MACROD1: variants seen among roughly 807,000 people sequenced by gnomAD.
MACROD1 encodes mono-ADP ribosylhydrolase 1, also known as ADP-ribose glycohydrolase MACROD1.
In MACROD1, 31 loss-of-function variants were observed where a neutral mutation model predicts 41.4. The ratio of observed to expected loss-of-function variants is 0.75; its 90% CI spans 0.56 to 1.01. The LOEUF is 1.01. MACROD1 is among the 50% of genes least tolerant of loss of function. The probability of loss-of-function intolerance (pLI) is 0.00; values close to 1 mark genes in which losing one functional copy is unlikely to be tolerated. For synonymous variants in MACROD1, 252 were observed against 203.4 expected, an observed-to-expected ratio of 1.24 and a Z score of -2.03; for missense variants, 473 against 460.0, an observed-to-expected ratio of 1.03 and a Z score of -0.26.
At chr11:64,029,196 G>C (rs770864656) in intron 3 of MACROD1, among the ~76,000 whole-genome samples, 1 of 152,222 alleles carries the variant, frequency 6.6e-6, no homozygotes, top group Non-Finnish European at 1.5e-5. Context: ...GTTGAGCCGG[G>C]TGCTGGGATG....
At chr11:64,131,225 T>C (rs1443118336) in intron 3 of MACROD1, among the ~76,000 whole-genome samples, 1 of 152,108 alleles carries the variant, frequency 6.6e-6, no homozygotes, top group African/African-American at 2.4e-5. Context: ...ACCCTGACTC[T>C]CTCCAGGGTT....
At chr11:64,127,017 C>T (rs180738608) in intron 3 of MACROD1, 123 of 152,350 alleles carry the variant, frequency 8.1e-4, no homozygotes, top group African/African-American at 2.9e-3. Flanking sequence ...AGCCTGGCCT[C>T]GTGCCCACCT....
intron 3 of MACROD1, among the ~76,000 whole-genome samples, chr11:64,071,335 C>T (rs562717472): frequency 4.6e-5 from 7 of 152,196 alleles, no homozygotes; most frequent in Non-Finnish European, 7.4e-5. Context: ...CCCAGACCTG[C>T]GGTCTCAATC....
At chr11:64,002,102 C>T (rs534363351) in intron 4 of MACROD1, among the ~76,000 whole-genome samples, 18 of 152,274 alleles carry the variant, frequency 1.2e-4, no homozygotes, top group African/African-American at 3.1e-4. Flanking sequence ...TGGGCATGTT[C>T]GGGTATGTGT....
intron 4 of MACROD1, chr11:64,001,521 G>A (rs749024375): frequency 2.8e-6 from 2 of 702,392 alleles, no homozygotes; most frequent in East Asian, 2.7e-5. Flanking sequence ...GGGATGCCAG[G>A]TAGCTCACAC....
chr11:64,004,118 C>G (rs1942870794), intron 4 of MACROD1, among the ~76,000 whole-genome samples: 1 of 152,252 alleles, frequency 6.6e-6, no homozygotes, highest in African/African-American at 2.4e-5. Context: ...TCTTAGGCAT[C>G]TCCCTGCTTT....
At chr11:64,083,886 G>T (rs1944346076) in intron 3 of MACROD1, among the ~76,000 whole-genome samples, 1 of 152,222 alleles carries the variant, frequency 6.6e-6, no homozygotes. Context: ...GCGAGTGTGA[G>T]CAGCGTGCAG....
intron 3 of MACROD1, among the ~76,000 whole-genome samples, chr11:64,098,648 A>G (rs918378278): frequency 3.9e-5 from 6 of 152,248 alleles, no homozygotes; most frequent in Admixed American, 3.3e-4. Context: ...TCATCTATAA[A>G]GGTCAGATAC....
chr11:64,048,862 T>C (rs1943636349), intron 3 of MACROD1, among the ~76,000 whole-genome samples: 2 of 152,158 alleles, frequency 1.3e-5, no homozygotes, highest in Admixed American at 1.3e-4. Flanking sequence ...GGCCATCCCA[T>C]GGTGCAAACC....
chr11:64,035,276 C>T (rs76539208), intron 3 of MACROD1, among the ~76,000 whole-genome samples: 1,724 of 152,020 alleles, frequency 0.011, 30 homozygotes, highest in African/African-American at 0.037. Context: ...GTTTACAGCA[C>T]GCGGCGGATG....
At chr11:64,015,428 C>T (rs1316057037) in intron 3 of MACROD1, 147 bp from the exon 4 acceptor site, 11 of 634,446 alleles carry the variant, frequency 1.7e-5, no homozygotes, top group East Asian at 3.1e-5. Flanking sequence ...TCCTCCGGGG[C>T]GGTAGTAGAC....
At chr11:64,074,264 G>T (rs965233169) in intron 3 of MACROD1, among the ~76,000 whole-genome samples, 4 of 152,200 alleles carry the variant, frequency 2.6e-5, no homozygotes, top group Admixed American at 2.6e-4. Flanking sequence ...TCTTTCTCAG[G>T]TGTGAGGCTC....
chr11:64,095,884 GC>G (rs1375754175), intron 3 of MACROD1, among the ~76,000 whole-genome samples: 1 of 152,236 alleles, frequency 6.6e-6, no homozygotes, highest in Non-Finnish European at 1.5e-5. Context: ...GGAAGGGGCA[GC>G]CGAGGGAGGG....
chr11:64,024,517 G>A (rs1303982451), intron 3 of MACROD1, among the ~76,000 whole-genome samples: 1 of 152,140 alleles, frequency 6.6e-6, no homozygotes, highest in Non-Finnish European at 1.5e-5. Context: ...CTGCACTGCA[G>A]GACCCCCAGC....
At chr11:64,128,910 A>G (rs1369446407) in intron 3 of MACROD1, among the ~76,000 whole-genome samples, 1 of 152,192 alleles carries the variant, frequency 6.6e-6, no homozygotes, top group Non-Finnish European at 1.5e-5. Context: ...ACAGTAAATC[A>G]ATCAGCCAAT....
chr11:64,087,749 C>A (rs1281881894), intron 3 of MACROD1, among the ~76,000 whole-genome samples: 1 of 152,254 alleles, frequency 6.6e-6, no homozygotes, highest in Non-Finnish European at 1.5e-5. Flanking sequence ...CCACCCAGTA[C>A]ACAGAGCACG....
At chr11:64,029,656 C>G (rs1474152900) in intron 3 of MACROD1, among the ~76,000 whole-genome samples, 2 of 152,102 alleles carry the variant, frequency 1.3e-5, no homozygotes, top group Admixed American at 6.5e-5. Flanking sequence ...GCCTCGCCCC[C>G]ACCCCCCTCT....
intron 3 of MACROD1, among the ~76,000 whole-genome samples, chr11:64,086,137 C>T (rs375972614): frequency 5.3e-5 from 8 of 152,146 alleles, no homozygotes; most frequent in Non-Finnish European, 8.8e-5. Flanking sequence ...TGGGTGGCTG[C>T]GCACACACAG....
rs951927811 is a variant in MACROD1, at chr11:63,999,518, T to G, written c.817+12A>C. The G allele has an allele frequency of 6.2e-6, 10 of 1,605,614 alleles. No homozygotes were observed. The highest frequency in any genetic ancestry group is 7.6e-6 in the Non-Finnish European group (9 of 1,176,856). Reference sequence around the variant, plus strand: ...CGCCCACTCCTGGTCCTTGCCTTTCTTCCAGACTCACCAAACACGCCGGTG... The same window carrying G: ...CGCCCACTCCTGGTCCTTGCCTTTCGTCCAGACTCACCAAACACGCCGGTG... On this transcript the variant is annotated intron_variant, in intron 7 of 10. Coordinates refer to ENST00000255681, the MANE Select transcript of MACROD1 (RefSeq NM_014067.4).
Sources: allele counts gnomAD v4.1 joint callset (sites outside exome capture counted in the v4.1 genomes callset), GRCh38; gene constraint gnomAD v4.1.1; transcripts MANE v1.5; gene names NCBI Gene and HGNC (gene_info 2026-07-23, HGNC 2026-07-21).